TEX14: variants seen among roughly 807,000 people sequenced by gnomAD.
TEX14 encodes the protein inactive serine/threonine-protein kinase TEX14.
A neutral mutation model predicts 178.6 loss-of-function variants in TEX14; 168 were observed. The observed-to-expected ratio is 0.94, with a 90% confidence interval of 0.83 to 1.07. The LOEUF (loss-of-function observed/expected upper bound fraction) is 1.07. Ranked by LOEUF, TEX14 falls within the 50% of genes least tolerant of loss-of-function variation. The pLI is 0.00. For synonymous variants in TEX14, 626 were observed against 634.1 expected (o/e 0.99, Z 0.19); for missense variants, 1,730 against 1,753.6 (o/e 0.99, Z 0.24).
chr17:58,622,796 A>G, intron 4 of TEX14, 51 bp downstream of exon 4: 4 of 1,521,102 alleles, frequency 2.6e-6, no homozygotes, highest in Non-Finnish European at 3.6e-6. Flanking sequence ...CCTGACTCTC[A>G]GCCCAGTACT....
Position 58,615,262 on chromosome 17 carries a change from T to C in TEX14, c.851A>G (p.Asp284Gly). The C allele has an allele frequency of 1.2e-6, 2 of 1,613,600 alleles. No individual in the cohort carries two copies. The highest frequency in any genetic ancestry group is 1.7e-6 in the Non-Finnish European group (2 of 1,179,654). Residue 284 changes from aspartate to glycine, a missense_variant, in exon 8 of 32, where the codon GAC becomes GGC. Physicochemically the swap from Asp to Gly is moderately conservative, Grantham distance 94. Transcript: ENST00000349033. ...GTGTTCCTGCTCGGCAATTAACAAG[T>C]CGGCCAGCCGCAGCCTGCTGCAGTG... Reference protein sequence around the residue: ...HPHCSRLRLADLLIAEQEHSS... With the variant: ...HPHCSRLRLAGLLIAEQEHSS...
At chr17:58,596,639 T>G (rs1008218849) in intron 14 of TEX14, among the ~76,000 whole-genome samples, 5 of 151,534 alleles carry the variant, frequency 3.3e-5, no homozygotes, top group African/African-American at 1.2e-4. Flanking sequence ...AATCCCACAC[T>G]TTTGGAGGCC....
intron 1 of TEX14, chr17:58,661,047 G>C (rs201341730): frequency 1.8e-6 from 2 of 1,109,964 alleles, no homozygotes; most frequent in Non-Finnish European, 2.8e-6. Context: ...TTATCTGCTT[G>C]ACCACTTTCC....
chr17:58,621,925 T>C, intron 4 of TEX14, 139 bp from the exon 5 acceptor site: 1 of 937,496 alleles, frequency 1.1e-6, no homozygotes, highest in South Asian at 2.2e-5. Flanking sequence ...CCCAGGTGAT[T>C]TTCTAAAGGT....
intron 19 of TEX14, among the ~76,000 whole-genome samples, chr17:58,580,940 A>G (rs2044797797): frequency 1.3e-5 from 2 of 152,212 alleles, no homozygotes; most frequent in Non-Finnish European, 2.9e-5. Context: ...GTATATCTGC[A>G]GAACACCAGT....
At chr17:58,645,460 G>GCCATTCT (rs1221901835) in intron 2 of TEX14, among the ~76,000 whole-genome samples, 1 of 151,928 alleles carries the variant, frequency 6.6e-6, no homozygotes, top group Non-Finnish European at 1.5e-5. Context: ...CCGGGTTCAC[G>GCCATTCT]CCATTCTCCT....
chr17:58,616,431 A>G, intron 6 of TEX14, 126 bp from the exon 7 acceptor site: 1 of 1,177,936 alleles, frequency 8.5e-7, no homozygotes, highest in Non-Finnish European at 1.1e-6. Flanking sequence ...ACCCCTATGC[A>G]CTGGGCCTTT....
chr17:58,595,894 G>C (rs2045266998), intron 14 of TEX14, among the ~76,000 whole-genome samples: 1 of 152,180 alleles, frequency 6.6e-6, no homozygotes, highest in Non-Finnish European at 1.5e-5. Context: ...ATATATAAAA[G>C]TTATTTCAGG....
intron 2 of TEX14, among the ~76,000 whole-genome samples, chr17:58,650,722 C>G (rs901481515): frequency 6.6e-6 from 1 of 152,158 alleles, no homozygotes; most frequent in Non-Finnish European, 1.5e-5. Context: ...ATTCTCTTGC[C>G]TCAGCCTCCC....
At position 58,665,749 on chromosome 17, in the gene TEX14, G is replaced by GA. The variant is rs535664133; in HGVS notation, c.-1-13748dup. Among the ~76,000 whole-genome samples the GA allele has an allele frequency of 7.7e-3, 1,121 of 145,280 alleles. 8 individuals are homozygous for GA. The highest frequency in any genetic ancestry group is 0.023 in the African/African-American group (929 of 39,796). ...ATTCTTAAGAACCAAAAGAAACAAT[G>GA]AAAAAAAAAAATAAGGCTGGGCGCG... is the stretch of plus-strand genomic sequence containing the variant. On this transcript the variant is annotated intron_variant, in intron 1 of 31. Transcript: ENST00000349033.
chr17:58,682,699 C>T (rs933283656), intron 1 of TEX14, among the ~76,000 whole-genome samples: 4 of 152,186 alleles, frequency 2.6e-5, no homozygotes, highest in Non-Finnish European at 5.9e-5. Flanking sequence ...TCTTAAGTGG[C>T]TCATGAATCC....
intron 1 of TEX14, among the ~76,000 whole-genome samples, chr17:58,678,853 T>TAATAATAATAATAATAATAAA (rs986061483): frequency 2.0e-5 from 3 of 146,762 alleles, no homozygotes; most frequent in African/African-American, 7.6e-5. Flanking sequence ...ATAATAATAA[T>TAATAATAATAATAATAATAAA]AAAAGAGAAG....
intron 1 of TEX14, among the ~76,000 whole-genome samples, chr17:58,674,562 C>G (rs546164891): frequency 6.6e-6 from 1 of 151,058 alleles, no homozygotes; most frequent in Non-Finnish European, 1.5e-5. Context: ...CCCAGCTACT[C>G]GAGACGGAGA....
Position 58,611,263 on chromosome 17 carries a change from A to C in TEX14, c.1082T>G (p.Leu361Arg), listed in dbSNP as rs369714474. The C allele has an allele frequency of 1.7e-5, 27 of 1,611,946 alleles. No homozygotes were observed. The highest frequency in any genetic ancestry group is 2.2e-5 in the Non-Finnish European group (26 of 1,178,200). Residue 361 changes from leucine to arginine, a missense_variant, in exon 10 of 32, where the codon CTG (leucine) becomes CGG (arginine). This residue lies in a region of TEX14 where 789 missense variants were observed against 681.2 expected (regional missense o/e 1.16). Transcript: ENST00000349033. The stretch of plus-strand genomic sequence containing the variant: ...GCGGTGGATAAACCCCTGGAAATGC[A>C]GGTATCTCAGGGCATCAGATATCTG... ...LLQISDALRY[L>R]HFQGFIHRSL...
At chr17:58,637,084 G>A in intron 2 of TEX14, among the ~76,000 whole-genome samples, 1 of 151,878 alleles carries the variant, frequency 6.6e-6, no homozygotes, top group Non-Finnish European at 1.5e-5. Context: ...AAAATTAGTT[G>A]GGCATGATGG....
intron 1 of TEX14, among the ~76,000 whole-genome samples, chr17:58,682,936 G>A (rs1268163467): frequency 6.6e-6 from 1 of 151,858 alleles, no homozygotes; most frequent in East Asian, 1.9e-4. Flanking sequence ...AAAAAAATGA[G>A]GAGCTGGATG....
intron 2 of TEX14, among the ~76,000 whole-genome samples, chr17:58,641,488 T>TTATTATTG (rs1555577863): frequency 1.4e-5 from 2 of 143,646 alleles, no homozygotes; most frequent in African/African-American, 5.1e-5. Flanking sequence ...TTCTCTTTTA[T>TTATTATTG]TTATTATTAT....
intron 6 of TEX14, among the ~76,000 whole-genome samples, chr17:58,616,581 C>T (rs2045878599): frequency 6.6e-6 from 1 of 151,948 alleles, no homozygotes; most frequent in African/African-American, 2.4e-5. Context: ...CAAGCATGCA[C>T]CACCACACCT....
intron 2 of TEX14, chr17:58,631,338 A>G (rs2046282184): frequency 6.5e-6 from 1 of 152,842 alleles, no homozygotes; most frequent in African/African-American, 2.4e-5. Context: ...GCGTACCTAT[A>G]GTCCCAGCTA....
Sources: gnomAD v4.1 joint callset for allele counts (sites outside exome capture counted in the v4.1 genomes callset) on GRCh38, gnomAD v4.1.1 for gene constraint, gnomAD v4.1.1 regional missense constraint, MANE v1.5 for transcripts, NCBI Gene and HGNC (gene_info 2026-07-23, HGNC 2026-07-21) for gene names.